Variants in LRRC4C observed in about 807,000 individuals in gnomAD.
LRRC4C encodes the protein leucine-rich repeat-containing protein 4C.
Under a neutral mutation model 33.6 loss-of-function variants are expected in LRRC4C, and 5 were observed. That is an observed-to-expected ratio of 0.15 (90% CI 0.08 to 0.31). The LOEUF (loss-of-function observed/expected upper bound fraction) is 0.31. LRRC4C is among the 10% of genes least tolerant of loss of function. LRRC4C has a pLI of 1.00. For missense variants in LRRC4C, 560 were observed against 796.7 expected, an observed-to-expected ratio of 0.70 and a Z score of 3.58; for synonymous variants, 329 against 302.0, an observed-to-expected ratio of 1.09 and a Z score of -0.93.
chr11:40,416,473 G>C (rs1418129050), intron 3 of LRRC4C, among the ~76,000 whole-genome samples: 1 of 152,106 alleles, frequency 6.6e-6, no homozygotes, highest in Non-Finnish European at 1.5e-5. Context: ...CAGTCAGTAT[G>C]GCTGGAAGTT....
At chr11:41,449,322 A>G (rs1955941696) in intron 1 of LRRC4C, among the ~76,000 whole-genome samples, 1 of 152,194 alleles carries the variant, frequency 6.6e-6, no homozygotes, top group Non-Finnish European at 1.5e-5. Flanking sequence ...AGAAGGAAGC[A>G]AGAAACCAAG....
intron 1 of LRRC4C, among the ~76,000 whole-genome samples, chr11:41,189,510 G>A (rs1190492858): frequency 6.6e-6 from 1 of 152,102 alleles, no homozygotes; most frequent in Non-Finnish European, 1.5e-5. Flanking sequence ...CCTGCAAAAT[G>A]GGAAAGTTTA....
At chr11:41,451,211 C>T (rs916174598) in intron 1 of LRRC4C, among the ~76,000 whole-genome samples, 2 of 152,196 alleles carry the variant, frequency 1.3e-5, no homozygotes, top group Admixed American at 6.6e-5. Flanking sequence ...TGTACTGTTA[C>T]CCACAAGAAC....
intron 5 of LRRC4C, among the ~76,000 whole-genome samples, chr11:40,218,602 G>C (rs140152244): frequency 0.21 from 13,761 of 64,094 alleles, 941 homozygotes; most frequent in Admixed American, 0.39. Flanking sequence ...ATGTATGTAT[G>C]TATGTATGTA....
rs72888878 is a variant in LRRC4C at position 40,583,461 on chromosome 11, A to G, written c.-270+64681T>C. Among the ~76,000 whole-genome samples the G allele has an allele frequency of 3.6e-3, 545 of 152,232 alleles. 1 individual carries two copies. The highest frequency in any genetic ancestry group is 5.9e-3 in the Non-Finnish European group (403 of 68,000). On this transcript the variant is annotated intron_variant, in intron 3 of 6. Coordinates refer to ENST00000528697, the MANE Select transcript of LRRC4C (RefSeq NM_001258419.2). ...AGGCTCTGCTTTTCATTTTGCTCCA[A>G]TCTTCACAAATTACATGGGATGCCT...
At chr11:40,930,624 G>A (rs1957578797) in intron 2 of LRRC4C, among the ~76,000 whole-genome samples, 1 of 152,108 alleles carries the variant, frequency 6.6e-6, no homozygotes. Flanking sequence ...ATCTTAAAGT[G>A]ATTCTCTATA....
At chr11:40,895,049 T>G (rs1955877521) in intron 2 of LRRC4C, among the ~76,000 whole-genome samples, 1 of 152,146 alleles carries the variant, frequency 6.6e-6, no homozygotes, top group South Asian at 2.1e-4. Context: ...TAATATTCTT[T>G]GTACGGAATG....
At chr11:41,414,775 T>G (rs1341719325) in intron 1 of LRRC4C, among the ~76,000 whole-genome samples, 1 of 152,008 alleles carries the variant, frequency 6.6e-6, no homozygotes. Context: ...AATAAAAGAT[T>G]GTGCTATACG....
chr11:41,111,222 G>A (rs1198137134), intron 1 of LRRC4C, among the ~76,000 whole-genome samples: 2 of 152,080 alleles, frequency 1.3e-5, no homozygotes, highest in Non-Finnish European at 2.9e-5. Context: ...GAAAAGGGAA[G>A]CTGTTTCCAA....
intron 2 of LRRC4C, among the ~76,000 whole-genome samples, chr11:40,894,101 A>AT (rs1955838312): frequency 6.6e-6 from 1 of 152,092 alleles, no homozygotes; most frequent in South Asian, 2.1e-4. Context: ...TTGCAGATCA[A>AT]TTTTTTCCTT....
intron 2 of LRRC4C, among the ~76,000 whole-genome samples, chr11:40,679,041 T>C (rs1469971507): frequency 6.6e-6 from 1 of 152,146 alleles, no homozygotes; most frequent in Non-Finnish European, 1.5e-5. Flanking sequence ...ATATGAACAA[T>C]AAGTTCCAGG....
intron 2 of LRRC4C, among the ~76,000 whole-genome samples, chr11:40,815,130 G>A (rs1951654419): frequency 6.6e-6 from 1 of 152,146 alleles, no homozygotes; most frequent in Non-Finnish European, 1.5e-5. Context: ...AAAGGAAAGA[G>A]GTTTAACTGA....
intron 1 of LRRC4C, among the ~76,000 whole-genome samples, chr11:41,199,472 G>A (rs755635766): frequency 1.3e-5 from 2 of 152,036 alleles, no homozygotes; most frequent in South Asian, 2.1e-4. Context: ...GCATTTCTGA[G>A]CACTTCCATG....
intron 1 of LRRC4C, among the ~76,000 whole-genome samples, chr11:40,944,025 C>T (rs1432198031): frequency 6.6e-6 from 1 of 152,110 alleles, no homozygotes; most frequent in Non-Finnish European, 1.5e-5. Context: ...TAAGGTTGTC[C>T]TAAATACGGA....
intron 5 of LRRC4C, among the ~76,000 whole-genome samples, chr11:40,210,240 G>A (rs1432979409): frequency 6.6e-6 from 1 of 150,706 alleles, no homozygotes. Context: ...GCGACAGAGC[G>A]AGACTCCGTC....
intron 2 of LRRC4C, among the ~76,000 whole-genome samples, chr11:40,886,922 TTA>T (rs776847766): frequency 1.3e-5 from 2 of 149,250 alleles, no homozygotes; most frequent in African/African-American, 2.5e-5. Context: ...CAGCAAATAT[TTA>T]TATATATACG....
At position 41,163,940 on chromosome 11, in the gene LRRC4C, T is replaced by A. The variant is rs926727960; in HGVS notation, c.-495-230217A>T. Among the ~76,000 whole-genome samples, 7 of 152,294 alleles carry A rather than the reference T, an allele frequency of 4.6e-5. No homozygotes were observed. The East Asian group carries it at 1.4e-3, about 29-fold the overall frequency. On this transcript the variant is annotated intron_variant, in intron 1 of 6. Coordinates refer to ENST00000528697, the MANE Select transcript of LRRC4C (RefSeq NM_001258419.2). The stretch of plus-strand genomic sequence containing the variant: ...ACTTCAAAAACTTTTTTATTTGTAT[T>A]TGTAATTGTTGTGGATATATAATAG...
At chr11:41,381,360 G>A (rs1953140902) in intron 1 of LRRC4C, among the ~76,000 whole-genome samples, 1 of 152,150 alleles carries the variant, frequency 6.6e-6, no homozygotes, top group Non-Finnish European at 1.5e-5. Flanking sequence ...TGGTGCTGTG[G>A]CTCAGGTCTG....
At chr11:41,098,867 C>T (rs565232175) in intron 1 of LRRC4C, among the ~76,000 whole-genome samples, 1 of 151,176 alleles carries the variant, frequency 6.6e-6, no homozygotes, top group South Asian at 2.1e-4. Context: ...AATTTAGATA[C>T]CAAAAATTCA....
Sources: gnomAD v4.1 joint callset for allele counts (sites outside exome capture counted in the v4.1 genomes callset) on GRCh38, gnomAD v4.1.1 for gene constraint, MANE v1.5 for transcripts, NCBI Gene and HGNC (gene_info 2026-07-23, HGNC 2026-07-21) for gene names.